SCN7A: variants seen among roughly 807,000 people sequenced by gnomAD.
The protein encoded by SCN7A is sodium channel protein type 7 subunit alpha.
Under a neutral mutation model 155.2 loss-of-function variants are expected in SCN7A, and 138 were observed. The ratio of observed to expected loss-of-function variants is 0.89; its 90% CI spans 0.77 to 1.02. SCN7A has a LOEUF of 1.02. Among genes scored for constraint, SCN7A ranks in the 50% least tolerant of loss-of-function variants. The pLI is 0.00. For missense variants in SCN7A, 2,058 were observed against 1,986.6 expected (o/e 1.04, Z -0.68); for synonymous variants, 693 against 649.0 (o/e 1.07, Z -1.03).
At chr2:166,438,827 G>A (rs1701891283) in intron 15 of SCN7A, among the ~76,000 whole-genome samples, 1 of 151,558 alleles carries the variant, frequency 6.6e-6, no homozygotes, top group Non-Finnish European at 1.5e-5. Context: ...GAAATATGAT[G>A]GCCAATGAAT....
chr2:166,414,293 C>CATATATATATATATACACACACAT lies in SCN7A; in HGVS notation c.3415-1173_3415-1172insATGTGTGTGTATATATATATATAT, dbSNP rs1559088887. 1.2e-3 allele frequency among the ~76,000 whole-genome samples: 50 copies of CATATATATATATATACACACACAT among 42,084 alleles called. 1 individual carries two copies. The highest frequency in any genetic ancestry group is 1.8e-3 in the Non-Finnish European group (41 of 23,140). 27.6% of individuals were successfully genotyped at this position (42,084 alleles called of 152,430 possible). On this transcript the variant is annotated intron_variant, in intron 21 of 25. Transcript: ENST00000643258. ...ACACATATATATATATATACACACA[C>CATATATATATATATACACACACAT]ATATATATATATATATATACACATA...
At chr2:166,447,570 T>C (rs1397914194) in intron 12 of SCN7A, 42 bp downstream of exon 12, 2 of 1,276,012 alleles carry the variant, frequency 1.6e-6, no homozygotes, top group Non-Finnish European at 2.2e-6. Flanking sequence ...ATTTTATGAG[T>C]AGTACCTTCA....
intron 11 of SCN7A, among the ~76,000 whole-genome samples, chr2:166,456,020 T>C (rs896090007): frequency 1.3e-5 from 2 of 152,156 alleles, no homozygotes; most frequent in Non-Finnish European, 2.9e-5. Flanking sequence ...TGAAATACTA[T>C]GCAGCCATGA....
At position 166,406,595 on chromosome 2, in the gene SCN7A, A is replaced by G. The variant is rs571291434; in HGVS notation, c.4034T>C (p.Val1345Ala). The G allele has an allele frequency of 3.4e-5, 55 of 1,612,078 alleles. No homozygotes were observed. The highest frequency in any genetic ancestry group is 3.1e-4 in the South Asian group (28 of 90,860). ...GATCCGTGAGAGAAGTATCAGTTGC[A>G]CAAGTGAAGGAGGCACAAGGTAGGA... ...VGSYLVPPSL[V>A]QLILLSRIIH... The change falls in exon 26 of 26, where the codon GTG becomes GCG. Residue 1345 changes from valine (V) to alanine (A), a missense_variant. Transcript: ENST00000643258.
At chr2:166,437,211 GTGTCCCAGC>G (rs1034989006) in intron 15 of SCN7A, among the ~76,000 whole-genome samples, 4 of 152,240 alleles carry the variant, frequency 2.6e-5, no homozygotes, top group East Asian at 1.9e-4. Flanking sequence ...CTGGTGCCCA[GTGTCCCAGC>G]TGTCCCAGCT....
At chr2:166,482,276 CA>C (rs1177697439) in intron 2 of SCN7A, among the ~76,000 whole-genome samples, 2 of 151,656 alleles carry the variant, frequency 1.3e-5, no homozygotes, top group African/African-American at 2.4e-5. Context: ...TAAAAGAATA[CA>C]AAAAAAGAGG....
Position 166,431,630 on chromosome 2 carries a change from G to A in SCN7A, c.2592+688C>T, listed in dbSNP as rs537892281. Among the ~76,000 whole-genome samples, 29 of 152,202 alleles carry A rather than the reference G, an allele frequency of 1.9e-4. No homozygotes were observed. In the South Asian group the frequency reaches 5.8e-3, roughly 30 times the overall value. On this transcript the variant is annotated intron_variant, in intron 16 of 25. Coordinates refer to ENST00000643258, the MANE Select transcript of SCN7A (RefSeq NM_002976.4). The stretch of plus-strand genomic sequence containing the variant: ...AATGGAGACAATAAGACTGTTTCCA[G>A]TAGGGTGTATATTTTAGAAGCTAAG...
chr2:166,406,128 T>C lies in SCN7A; in HGVS notation c.4501A>G (p.Ile1501Val). The change falls in exon 26 of 26, where the codon ATT (isoleucine) becomes GTT (valine). Residue 1501 changes from isoleucine to valine, a missense_variant. Ile to Val is a conservative substitution (Grantham distance 29). Transcript: ENST00000643258. ...YIVVVMEFLNIASKKKNKTLS... is the reference protein window; with the variant it reads ...YIVVVMEFLNVASKKKNKTLS... ...GTCTTGTTTTTCTTCTTAGAAGCAATATTTAAAAACTCCATGACAACAACA... is the reference window on the plus strand; with the variant it reads ...GTCTTGTTTTTCTTCTTAGAAGCAACATTTAAAAACTCCATGACAACAACA... 6.2e-7 allele frequency: 1 copy of C among 1,611,748 alleles called. No homozygotes were observed. Among genetic ancestry groups the C allele is most frequent in the South Asian group, 1.1e-5 (1 of 90,982 alleles).
At chr2:166,455,976 T>G (rs1702264910) in intron 11 of SCN7A, among the ~76,000 whole-genome samples, 1 of 152,158 alleles carries the variant, frequency 6.6e-6, no homozygotes, top group Admixed American at 6.5e-5. Context: ...AAAGAAAATG[T>G]GGCACATATA....
chr2:166,436,457 C>T (rs1223921319), intron 15 of SCN7A: 1 of 400,064 alleles, frequency 2.5e-6, no homozygotes, highest in Non-Finnish European at 5.0e-6. Flanking sequence ...AACCGTGAGT[C>T]AGTTAAACCT....
chr2:166,432,484 T>G lies in SCN7A; in HGVS notation c.2426A>C (p.Glu809Ala). Reference protein sequence around the residue: ...SNTQDFLKDKEKSSGTEKNAT... With the variant: ...SNTQDFLKDKAKSSGTEKNAT... ...GTTTTTCTCTGTGCCACTGCTTTTT[T>G]CCTTATCTTTGAGAAAATCTTGGGT... is the stretch of plus-strand genomic sequence containing the variant. Residue 809 changes from glutamate to alanine, a missense_variant, in exon 16 of 26, where the codon GAA becomes GCA. By Grantham distance (107) the Glu-to-Ala change is moderately radical. Transcript: ENST00000643258. 1.2e-6 allele frequency: 2 copies of G among 1,613,700 alleles called. No individual in the cohort carries two copies. The highest frequency in any genetic ancestry group is 2.2e-5 in the South Asian group (2 of 91,074).
Position 166,427,849 on chromosome 2 carries a change from A to G in SCN7A, c.2792T>C (p.Val931Ala). ...QNIRKTCCKI[V>A]ENNWFKCFIG... is the part of the protein sequence containing the mutation. The stretch of plus-strand genomic sequence containing the variant: ...AAAACACTTAAACCAATTGTTCTCT[A>G]CAATCTTGCAGCAGGTTTTCCTGAT... The change falls in exon 18 of 26, where the codon GTA becomes GCA. Residue 931 changes from valine to alanine, a missense_variant. By Grantham distance (64) the Val-to-Ala change is moderately conservative. Transcript: ENST00000643258. 1 of 1,612,482 alleles carries G rather than the reference A, an allele frequency of 6.2e-7. No individual in the cohort carries two copies. Among genetic ancestry groups the G allele is most frequent in the South Asian group, 1.1e-5 (1 of 90,974 alleles).
At chr2:166,422,569 C>T (rs1276542042) in intron 19 of SCN7A, among the ~76,000 whole-genome samples, 1 of 152,112 alleles carries the variant, frequency 6.6e-6, no homozygotes, top group East Asian at 1.9e-4. Context: ...ATAATCTTGG[C>T]ATATTTGAAG....
At chr2:166,462,834 G>T (rs1036398004) in intron 9 of SCN7A, among the ~76,000 whole-genome samples, 1 of 152,122 alleles carries the variant, frequency 6.6e-6, no homozygotes, top group Non-Finnish European at 1.5e-5. Flanking sequence ...TATTTGTGAA[G>T]TACAACATGC....
At chr2:166,473,710 CAT>C (rs1408998052) in intron 5 of SCN7A, 87 bp downstream of exon 5, 3 of 301,092 alleles carry the variant, frequency 1.0e-5, no homozygotes, top group East Asian at 7.3e-5. Context: ...TATAATGTAT[CAT>C]AATTCAATGT....
chr2:166,473,235 A>G (rs1702699030), intron 5 of SCN7A, among the ~76,000 whole-genome samples: 1 of 151,828 alleles, frequency 6.6e-6, no homozygotes, highest in Non-Finnish European at 1.5e-5. Flanking sequence ...TAGTCTTTAT[A>G]CATTATGTAG....
intron 25 of SCN7A, among the ~76,000 whole-genome samples, chr2:166,408,824 C>A (rs1414263117): frequency 6.6e-6 from 1 of 151,948 alleles, no homozygotes; most frequent in African/African-American, 2.4e-5. Context: ...AACTTACACC[C>A]TAATATGTGT....
chr2:166,456,466 C>T (rs1283753461), intron 11 of SCN7A, among the ~76,000 whole-genome samples: 1 of 151,950 alleles, frequency 6.6e-6, no homozygotes, highest in African/African-American at 2.4e-5. Flanking sequence ...AATAAAAGAA[C>T]ACCACCATCA....
intron 15 of SCN7A, among the ~76,000 whole-genome samples, chr2:166,439,055 G>GTATA (rs66783423): frequency 0.014 from 1,557 of 113,388 alleles, 58 homozygotes; most frequent in African/African-American, 0.05. Flanking sequence ...GTGTGTGTGT[G>GTATA]TATATATATA....
Sources: gnomAD v4.1 joint callset for allele counts (sites outside exome capture counted in the v4.1 genomes callset) on GRCh38, gnomAD v4.1.1 for gene constraint, MANE v1.5 for transcripts, NCBI Gene and HGNC (gene_info 2026-07-23, HGNC 2026-07-21) for gene names.